The following SYN2 variants were observed in gnomAD, a reference collection of about 807,000 sequenced individuals.
The protein encoded by SYN2 is synapsin II.
SYN2 carries 19 observed loss-of-function variants against 50.9 expected under a neutral mutation model. The observed-to-expected ratio is 0.37, with a 90% CI of 0.26 to 0.55. SYN2 has a LOEUF of 0.55. SYN2 is among the 20% of genes least tolerant of loss of function. SYN2 has a pLI of 0.81. For missense variants in SYN2, 587 were observed against 576.4 expected (o/e 1.02, Z -0.19); for synonymous variants, 255 against 224.9 (o/e 1.13, Z -1.20).
At chr3:12,181,608 A>G (rs1441435888) in intron 10 of SYN2, among the ~76,000 whole-genome samples, 1 of 152,254 alleles carries the variant, frequency 6.6e-6, no homozygotes, top group Non-Finnish European at 1.5e-5. Context: ...CTTGGAACAC[A>G]GTAAGCACGC....
chr3:12,060,297 A>G (rs1404242778), intron 1 of SYN2, among the ~76,000 whole-genome samples: 1 of 152,166 alleles, frequency 6.6e-6, no homozygotes, highest in Non-Finnish European at 1.5e-5. Context: ...TGGTTCTGGC[A>G]GGAAGAAAGG....
chr3:12,086,866 A>C (rs1033309591), intron 1 of SYN2, among the ~76,000 whole-genome samples: 1 of 152,202 alleles, frequency 6.6e-6, no homozygotes, highest in Non-Finnish European at 1.5e-5. Context: ...AGCTAGAGCA[A>C]TTAGGCAAGA....
At chr3:12,065,863 A>C (rs1695205690) in intron 1 of SYN2, among the ~76,000 whole-genome samples, 1 of 151,956 alleles carries the variant, frequency 6.6e-6, no homozygotes, top group African/African-American at 2.4e-5. Context: ...ATAAAAGTTG[A>C]AATTATTTAA....
At chr3:12,104,348 A>T (rs558216989) in intron 1 of SYN2, among the ~76,000 whole-genome samples, 1 of 152,146 alleles carries the variant, frequency 6.6e-6, no homozygotes, top group South Asian at 2.1e-4. Flanking sequence ...AGCAAAATTG[A>T]TAGGCCTACA....
At chr3:12,189,222 G>A (rs2124846349) in intron 12 of SYN2, among the ~76,000 whole-genome samples, 1 of 152,326 alleles carries the variant, frequency 6.6e-6, no homozygotes, top group South Asian at 2.1e-4. Context: ...AGTCAAGAAG[G>A]AGAAAAGCTG....
intron 1 of SYN2, among the ~76,000 whole-genome samples, chr3:12,076,003 A>G (rs1390339573): frequency 2.0e-5 from 3 of 152,258 alleles, no homozygotes; most frequent in East Asian, 1.9e-4. Context: ...TGAGGTATAT[A>G]CTATTATTAT....
rs943487593 is a variant in SYN2, at chr3:12,019,688, G to T, written c.377+14760G>T. 3.3e-5 allele frequency among the ~76,000 whole-genome samples: 5 copies of T among 152,210 alleles called. No homozygotes were observed. In the East Asian group the frequency reaches 9.7e-4, roughly 29 times the overall value. ...GTAGTATTTCTGATTCCTTATTAAG[G>T]TCATATATTTAAGTAAAACTTTACA... On this transcript the variant is annotated intron_variant, in intron 1 of 12. Transcript: ENST00000621198.
chr3:12,163,673 G>A (rs1232289267), intron 7 of SYN2, among the ~76,000 whole-genome samples: 2 of 152,124 alleles, frequency 1.3e-5, no homozygotes, highest in Non-Finnish European at 2.9e-5. Context: ...GAAAACTGAG[G>A]CATAGAATTT....
chr3:12,067,100 C>T (rs927158291), intron 1 of SYN2, among the ~76,000 whole-genome samples: 4 of 152,068 alleles, frequency 2.6e-5, no homozygotes, highest in Admixed American at 6.5e-5. Context: ...GTCCCTCCCA[C>T]GACATGTGGG....
chr3:12,187,237 A>C, intron 11 of SYN2, 132 bp from the exon 12 acceptor site: 1 of 1,312,146 alleles, frequency 7.6e-7, no homozygotes, highest in Admixed American at 3.0e-5. Flanking sequence ...AGGGCCCTTC[A>C]GAGACTCCAG....
intron 1 of SYN2, among the ~76,000 whole-genome samples, chr3:12,122,734 T>A (rs1458998177): frequency 6.6e-6 from 1 of 152,126 alleles, no homozygotes; most frequent in Non-Finnish European, 1.5e-5. Context: ...AATATAAAAT[T>A]ATGCCCAGCC....
At chr3:12,166,496 T>G (rs1248446796) in intron 7 of SYN2, among the ~76,000 whole-genome samples, 1 of 152,186 alleles carries the variant, frequency 6.6e-6, no homozygotes, top group East Asian at 1.9e-4. Context: ...ATCCACCTCC[T>G]ATTTAGTCTA....
chr3:12,190,462 C>T, intron 12 of SYN2, 28 bp from the exon 13 acceptor site: 1 of 1,613,316 alleles, frequency 6.2e-7, no homozygotes, highest in Non-Finnish European at 8.5e-7. Context: ...ACCACCCTCT[C>T]ACATTCTCTC....
At chr3:12,163,198 C>T (rs1177772048) in intron 7 of SYN2, among the ~76,000 whole-genome samples, 3 of 146,838 alleles carry the variant, frequency 2.0e-5, no homozygotes, top group South Asian at 2.1e-4. Flanking sequence ...GCCGAGATCG[C>T]GCCACTGCAC....
intron 1 of SYN2, among the ~76,000 whole-genome samples, chr3:12,095,573 A>AAAAAAAAAACATT (rs1695915113): frequency 1.1e-5 from 1 of 94,286 alleles, no homozygotes; most frequent in Non-Finnish European, 2.0e-5. Context: ...AAAAAAAAAA[A>AAAAAAAAAACATT]GGACCATCAT....
At chr3:12,086,292 A>C (rs567944629) in intron 1 of SYN2, among the ~76,000 whole-genome samples, 2 of 152,296 alleles carry the variant, frequency 1.3e-5, no homozygotes, top group South Asian at 4.1e-4. Context: ...CCAGATATTT[A>C]AAGAACTAAT....
chr3:12,045,979 AT>A (rs779173573), intron 1 of SYN2, among the ~76,000 whole-genome samples: 21 of 152,314 alleles, frequency 1.4e-4, no homozygotes, highest in Non-Finnish European at 2.8e-4. Context: ...TTTACCAGAC[AT>A]TTATTCATTC....
Position 12,190,496 on chromosome 3 carries a change from G to A in SYN2, c.1620G>A (p.Ser540=), listed in dbSNP as rs151063425. Reference sequence around the variant, plus strand: ...TCTGGTTTTTATCTTCAAGCAAGTCGCAGTCCCTGACAAATGCCTTCAGCT... The same window carrying A: ...TCTGGTTTTTATCTTCAAGCAAGTCACAGTCCCTGACAAATGCCTTCAGCT... ...KPQPHPQLNK[S]QSLTNAFSFS... The change falls in exon 13 of 13, where the codon TCG becomes TCA. Residue 540 remains serine, a synonymous_variant. Transcript: ENST00000621198. 3.7e-4 allele frequency: 605 copies of A among 1,613,490 alleles called. 1 individual carries two copies. In the African/African-American group the frequency reaches 6.4e-3, roughly 17 times the overall value.
intron 1 of SYN2, among the ~76,000 whole-genome samples, chr3:12,123,374 TGA>T (rs1244977054): frequency 6.6e-6 from 1 of 152,154 alleles, no homozygotes; most frequent in Non-Finnish European, 1.5e-5. Context: ...ACAACTGGAC[TGA>T]GAGCAGGGGC....
Sources: allele counts gnomAD v4.1 joint callset (sites outside exome capture counted in the v4.1 genomes callset), GRCh38; gene constraint gnomAD v4.1.1; transcripts MANE v1.5; gene names NCBI Gene and HGNC (gene_info 2026-07-23, HGNC 2026-07-21).